The following CREB3L2 variants were observed in gnomAD, a reference collection of about 807,000 sequenced individuals.
The protein encoded by CREB3L2 is cyclic AMP-responsive element-binding protein 3-like protein 2.
In CREB3L2, 23 loss-of-function variants were observed where a neutral mutation model predicts 57.2. The observed-to-expected ratio is 0.40, with a 90% confidence interval of 0.29 to 0.57. The LOEUF is 0.57. Ranked by LOEUF, CREB3L2 falls within the 20% of genes least tolerant of loss-of-function variation. CREB3L2 has a pLI of 0.42. For synonymous variants in CREB3L2, 268 were observed against 265.1 expected, an observed-to-expected ratio of 1.01 and a Z score of -0.11; for missense variants, 628 against 634.7, an observed-to-expected ratio of 0.99 and a Z score of 0.11.
intron 1 of CREB3L2, among the ~76,000 whole-genome samples, chr7:137,975,954 T>C (rs73729531): frequency 0.017 from 2,640 of 152,244 alleles, 71 homozygotes; most frequent in African/African-American, 0.059. Context: ...AGACACTGAG[T>C]GGGAGGCCGA....
rs1333403871 is a variant in CREB3L2, at chr7:137,899,190, T to C, written c.1043+2164A>G. ...GAAGGAACACGCAGCACAGTCCACC[T>C]GCAGAGGAGAGGAGAGACTTCCCAG... On this transcript the variant is annotated intron_variant, in intron 8 of 11. Coordinates refer to ENST00000330387, the MANE Select transcript of CREB3L2 (RefSeq NM_194071.4). Among the ~76,000 whole-genome samples the C allele has an allele frequency of 2.0e-5, 3 of 147,778 alleles. No homozygotes were observed. In the East Asian group the frequency reaches 5.9e-4, roughly 29 times the overall value.
At chr7:137,953,560 G>T (rs1221782249) in intron 1 of CREB3L2, 1 of 1,247,204 alleles carries the variant, frequency 8.0e-7, no homozygotes, top group African/African-American at 1.5e-5. Flanking sequence ...GAGTTGGGTG[G>T]GTGATGACGG....
intron 1 of CREB3L2, among the ~76,000 whole-genome samples, chr7:137,949,308 T>A (rs2117268981): frequency 6.6e-6 from 1 of 152,286 alleles, no homozygotes; most frequent in South Asian, 2.1e-4. Flanking sequence ...CCCACAGACG[T>A]TTAAAAAAGA....
intron 1 of CREB3L2, among the ~76,000 whole-genome samples, chr7:137,954,842 A>G (rs1417767092): frequency 1.3e-5 from 2 of 152,200 alleles, no homozygotes; most frequent in African/African-American, 4.8e-5. Context: ...TCAGTCCCAC[A>G]GAAGTCGGAA....
chr7:137,900,665 G>A lies in CREB3L2; in HGVS notation c.1043+689C>T, dbSNP rs542683915. ...AAAAAAATACAAAAATTAGCCGGAC[G>A]TGGTGGCGCGTGCCTGTAGTCCCAG... On this transcript the variant is annotated intron_variant, in intron 8 of 11. Transcript: ENST00000330387. Among the ~76,000 whole-genome samples, 14 of 151,734 alleles carry A rather than the reference G, an allele frequency of 9.2e-5. No individual in the cohort carries two copies. In the South Asian group the frequency reaches 2.5e-3, roughly 27 times the overall value.
intron 10 of CREB3L2, chr7:137,884,559 G>A (rs1037951772): frequency 3.4e-6 from 1 of 297,134 alleles, no homozygotes; most frequent in Non-Finnish European, 6.3e-6. Context: ...TGACCTTGCT[G>A]TTTATTTAAT....
intron 1 of CREB3L2, among the ~76,000 whole-genome samples, chr7:137,984,635 C>G (rs1469233352): frequency 6.6e-6 from 1 of 152,238 alleles, no homozygotes; most frequent in African/African-American, 2.4e-5. Context: ...GACAGATAAG[C>G]TTGTCATCTT....
intron 1 of CREB3L2, among the ~76,000 whole-genome samples, chr7:137,961,202 G>A (rs937456587): frequency 8.8e-6 from 1 of 114,020 alleles, no homozygotes; most frequent in Admixed American, 1.2e-4. Flanking sequence ...ACTGGGGGGT[G>A]GGGGGTGGGG....
Position 137,908,423 on chromosome 7 carries a change from G to T in CREB3L2, c.597C>A (p.His199Gln). The change falls in exon 5 of 12, where the codon CAC (histidine) becomes CAA (glutamine). Residue 199 changes from histidine to glutamine, a missense_variant. Physicochemically the swap from His to Gln is conservative, Grantham distance 24. Coordinates refer to ENST00000330387, the MANE Select transcript of CREB3L2 (RefSeq NM_194071.4). ...NFSPKEAPVDHLHLPPTPPSS... is the reference protein window; with the variant it reads ...NFSPKEAPVDQLHLPPTPPSS... Reference sequence around the variant, plus strand: ...TCGGAGGGGTGGGCGGCAAATGCAGGTGGTCCACTGGGGCTGCAAAAAAGG... The same window carrying T: ...TCGGAGGGGTGGGCGGCAAATGCAGTTGGTCCACTGGGGCTGCAAAAAAGG... 7.9e-7 allele frequency: 1 copy of T among 1,267,036 alleles called. No homozygotes were observed. Among genetic ancestry groups the T allele is most frequent in the Non-Finnish European group, 1.0e-6 (1 of 998,462 alleles). 78.5% of individuals were successfully genotyped at this position (1,267,036 alleles called of 1,614,324 possible).
At chr7:137,881,330 ATT>A in intron 11 of CREB3L2, among the ~76,000 whole-genome samples, 1 of 152,208 alleles carries the variant, frequency 6.6e-6, no homozygotes, top group Non-Finnish European at 1.5e-5. Context: ...AAATCTAGAA[ATT>A]TCCGAGCATT....
chr7:137,976,167 A>G (rs1801604679), intron 1 of CREB3L2, among the ~76,000 whole-genome samples: 1 of 152,252 alleles, frequency 6.6e-6, no homozygotes, highest in South Asian at 2.1e-4. Context: ...ATCAGCCAGG[A>G]GTCTGCTCTT....
Position 138,001,969 on chromosome 7 carries a change from C to T in CREB3L2, c.-264G>A, listed in dbSNP as rs577546024. ...GCTGCCGGGGCTAAAGCGGGATGTG[C>T]ATCCAAAATGAAGGCAGAAGACCCG... On this transcript the variant is annotated 5_prime_UTR_variant, in exon 1 of 12. It removes an upstream start codon present in the reference 5' UTR. Coordinates refer to ENST00000330387, the MANE Select transcript of CREB3L2 (RefSeq NM_194071.4). This position sits in a 1 kb window ranked among gnomAD's most constrained non-coding sequence, Gnocchi z 4.2. 4 of 421,306 alleles carry T rather than the reference C, an allele frequency of 9.5e-6. No individual in the cohort carries two copies. The highest frequency in any genetic ancestry group is 4.2e-5 in the Admixed American group (1 of 23,898). The allele number at this position is 421,306 out of a possible 1,614,324, so 26.1% of individuals were successfully genotyped here. A position where few individuals can be genotyped will look rare whatever the true frequency, so the allele number is the denominator to read the frequency against.
At chr7:137,941,576 G>A (rs1267171819) in intron 1 of CREB3L2, among the ~76,000 whole-genome samples, 1 of 152,232 alleles carries the variant, frequency 6.6e-6, no homozygotes. Context: ...TCTTGGAGCA[G>A]TGGGGAGTAA....
intron 1 of CREB3L2, among the ~76,000 whole-genome samples, chr7:137,946,880 CTATA>C (rs1296827442): frequency 2.9e-5 from 1 of 34,074 alleles, no homozygotes; most frequent in Non-Finnish European, 4.7e-5. Context: ...ATATAGTTAT[CTATA>C]TAGTTATATA....
chr7:138,000,247 G>A (rs1331641832), intron 1 of CREB3L2, among the ~76,000 whole-genome samples: 1 of 152,174 alleles, frequency 6.6e-6, no homozygotes, highest in Non-Finnish European at 1.5e-5. Context: ...GAAACTCCTG[G>A]AGCACCCATT....
chr7:137,959,453 G>A (rs1366915599), intron 1 of CREB3L2, among the ~76,000 whole-genome samples: 2 of 152,166 alleles, frequency 1.3e-5, no homozygotes, highest in African/African-American at 4.8e-5. Flanking sequence ...CCTGAGCACA[G>A]ACTCATAGGT....
intron 1 of CREB3L2, among the ~76,000 whole-genome samples, chr7:137,957,051 T>A (rs1317295577): frequency 1.3e-5 from 2 of 152,194 alleles, no homozygotes; most frequent in East Asian, 3.9e-4. Context: ...CTTTTCTTCT[T>A]CGGCCTCTCC....
chr7:137,986,319 A>C (rs1184407752), intron 1 of CREB3L2, among the ~76,000 whole-genome samples: 1 of 152,222 alleles, frequency 6.6e-6, no homozygotes, highest in Non-Finnish European at 1.5e-5. Context: ...AGACGAGAAA[A>C]CAGACAAGCA....
chr7:137,964,859 T>C (rs1801384000), intron 1 of CREB3L2, among the ~76,000 whole-genome samples: 1 of 152,102 alleles, frequency 6.6e-6, no homozygotes, highest in Admixed American at 6.5e-5. Flanking sequence ...GTTCTCATGG[T>C]AGTGAATACA....
Sources: allele counts gnomAD v4.1 joint callset (sites outside exome capture counted in the v4.1 genomes callset), GRCh38; gene constraint gnomAD v4.1.1; non-coding constraint Gnocchi (gnomAD v3.1); transcripts MANE v1.5; gene names NCBI Gene and HGNC (gene_info 2026-07-23, HGNC 2026-07-21).